The following TENM2 variants were observed in gnomAD, a reference collection of about 807,000 sequenced individuals.
The protein encoded by TENM2 is teneurin transmembrane protein 2, also known as teneurin-2.
TENM2 carries 52 observed loss-of-function variants against 245.2 expected under a neutral mutation model. That is an observed-to-expected ratio of 0.21 (90% CI 0.17 to 0.27). The LOEUF is 0.27. TENM2 is among the 10% of genes least tolerant of loss of function. TENM2 has a pLI of 1.00. For synonymous variants in TENM2, 1,363 were observed against 1,438.9 expected (o/e 0.95, Z 1.19); for missense variants, 3,046 against 3,666.8 (o/e 0.83, Z 4.37).
intron 1 of TENM2, among the ~76,000 whole-genome samples, chr5:167,326,707 A>G (rs1480094761): frequency 6.8e-6 from 1 of 146,718 alleles, no homozygotes; most frequent in East Asian, 2.0e-4. Context: ...AAATAAATAT[A>G]TATATATATA....
At chr5:167,120,990 A>G in the TENM2 span, among the ~76,000 whole-genome samples, 1 of 152,006 alleles carries the variant, frequency 6.6e-6, no homozygotes, top group Non-Finnish European at 1.5e-5. Context: ...GCTAAAGTCA[A>G]AGATCTAGTT....
chr5:167,913,076 A>G (rs1474569532), intron 3 of TENM2, among the ~76,000 whole-genome samples: 4 of 152,144 alleles, frequency 2.6e-5, no homozygotes, highest in Admixed American at 6.5e-5. Context: ...AAAAAAAACT[A>G]TGCAGCAACC....
chr5:167,253,243 A>G, the TENM2 span, among the ~76,000 whole-genome samples: 1 of 144,692 alleles, frequency 6.9e-6, no homozygotes, highest in Non-Finnish European at 1.5e-5. Flanking sequence ...AGCATGAGCC[A>G]ACAGGCCTGG....
chr5:167,976,309 A>G (rs982647645), intron 4 of TENM2, among the ~76,000 whole-genome samples: 1 of 152,162 alleles, frequency 6.6e-6, no homozygotes, highest in African/African-American at 2.4e-5. Flanking sequence ...CAAATGAGAG[A>G]TGCTGTGGAA....
At chr5:167,618,864 G>C (rs1033524488) in intron 2 of TENM2, among the ~76,000 whole-genome samples, 2 of 152,090 alleles carry the variant, frequency 1.3e-5, no homozygotes, top group African/African-American at 4.8e-5. Context: ...CCCGCAAAAA[G>C]AGTTTCTATA....
At chr5:168,075,199 T>C (rs558501091) in intron 7 of TENM2, among the ~76,000 whole-genome samples, 66 of 152,322 alleles carry the variant, frequency 4.3e-4, no homozygotes, top group African/African-American at 1.5e-3. Context: ...TGGTTTTCCA[T>C]TCCTGAGTTA....
Position 168,218,566 on chromosome 5 carries a change from A to G in TENM2, c.4675A>G (p.Ile1559Val). ...TGTAGCTCCAGATGGTACCATTTAC[A>G]TTGCAGACCTTGGAAATATTCGGAT... Residue 1559 changes from isoleucine (I) to valine (V), a missense_variant, in exon 23 of 29, where the codon ATT becomes GTT. Ile to Val is a conservative substitution (Grantham distance 29, BLOSUM62 3). Transcript: ENST00000518659. This position sits in a 1 kb window ranked among gnomAD's most constrained non-coding sequence, Gnocchi z 5.2. 1.2e-6 allele frequency: 2 copies of G among 1,613,982 alleles called. No homozygotes were observed. The highest frequency in any genetic ancestry group is 8.5e-7 in the Non-Finnish European group (1 of 1,179,894).
chr5:167,622,664 A>G (rs1297591230), intron 2 of TENM2, among the ~76,000 whole-genome samples: 1 of 152,106 alleles, frequency 6.6e-6, no homozygotes, highest in Non-Finnish European at 1.5e-5. Flanking sequence ...GTGTTTTTGA[A>G]AATCCATCAT....
At chr5:167,585,729 A>T (rs1582460946) in intron 2 of TENM2, among the ~76,000 whole-genome samples, 1 of 152,132 alleles carries the variant, frequency 6.6e-6, no homozygotes, top group East Asian at 1.9e-4. Flanking sequence ...ATGTTAATCA[A>T]ATAATAAAAT....
At chr5:168,090,284 AAG>A (rs1425504697) in intron 7 of TENM2, among the ~76,000 whole-genome samples, 1 of 151,566 alleles carries the variant, frequency 6.6e-6, no homozygotes, top group Non-Finnish European at 1.5e-5. Context: ...TACAAACAAA[AAG>A]AAAAAAACTT....
At chr5:167,263,547 CA>C in the TENM2 span, among the ~76,000 whole-genome samples, 2 of 152,118 alleles carry the variant, frequency 1.3e-5, no homozygotes, top group Admixed American at 6.6e-5. Flanking sequence ...TCTTAATCTC[CA>C]CTCTGGCAAT....
intron 27 of TENM2, among the ~76,000 whole-genome samples, chr5:168,252,484 T>TG (rs1478029077): frequency 6.6e-6 from 1 of 151,942 alleles, no homozygotes; most frequent in Non-Finnish European, 1.5e-5. Context: ...ATCTATACCC[T>TG]GCCCCCAGCT....
intron 2 of TENM2, among the ~76,000 whole-genome samples, chr5:167,390,564 G>C (rs957731482): frequency 9.9e-5 from 15 of 152,032 alleles, no homozygotes; most frequent in African/African-American, 3.6e-4. Context: ...AGTTCTGCAG[G>C]CAAGATAAAT....
intron 7 of TENM2, among the ~76,000 whole-genome samples, chr5:168,078,930 T>C (rs977397051): frequency 8.5e-5 from 13 of 152,200 alleles, no homozygotes; most frequent in African/African-American, 3.1e-4. Flanking sequence ...TTTGGTTCCA[T>C]ATGAACTTTA....
At chr5:167,956,172 A>C (rs1346525454) in intron 4 of TENM2, among the ~76,000 whole-genome samples, 2 of 152,170 alleles carry the variant, frequency 1.3e-5, no homozygotes, top group African/African-American at 2.4e-5. Flanking sequence ...TCCTCCTTGA[A>C]GAGGTCCTTC....
the TENM2 span, among the ~76,000 whole-genome samples, chr5:167,039,067 T>C: frequency 2.0e-5 from 3 of 152,118 alleles, no homozygotes; most frequent in African/African-American, 7.2e-5. Context: ...TCTTTATATA[T>C]TGTGGGAGAA....
intron 1 of TENM2, among the ~76,000 whole-genome samples, chr5:167,358,801 C>T (rs1305444671): frequency 8.7e-6 from 1 of 114,372 alleles, no homozygotes; most frequent in African/African-American, 3.5e-5. Flanking sequence ...AAATTCTGAT[C>T]TGCACACACA....
At chr5:167,895,828 CTT>C (rs769835193) in intron 3 of TENM2, among the ~76,000 whole-genome samples, 1 of 152,170 alleles carries the variant, frequency 6.6e-6, no homozygotes, top group Non-Finnish European at 1.5e-5. Context: ...AAGCTGAAGA[CTT>C]TTTCAATTAG....
chr5:167,099,694 T>A, the TENM2 span, among the ~76,000 whole-genome samples: 1 of 152,052 alleles, frequency 6.6e-6, no homozygotes. Context: ...AAACACCGTC[T>A]CAAAACAAAA....
Sources: allele counts gnomAD v4.1 joint callset (sites outside exome capture counted in the v4.1 genomes callset), GRCh38; gene constraint gnomAD v4.1.1; non-coding constraint Gnocchi (gnomAD v3.1); transcripts MANE v1.5; gene names NCBI Gene and HGNC (gene_info 2026-07-23, HGNC 2026-07-21).